Variants in SPG11 observed in about 807,000 individuals in gnomAD.
SPG11 encodes spatacsin.
Under a neutral mutation model 274.0 loss-of-function variants are expected in SPG11, and 222 were observed. The ratio of observed to expected loss-of-function variants is 0.81; its 90% CI spans 0.73 to 0.91. SPG11 has a LOEUF of 0.91. Among genes scored for constraint, SPG11 ranks in the 40% least tolerant of loss-of-function variants. SPG11 has a pLI of 0.00. For missense variants in SPG11, 3,114 were observed against 2,872.7 expected, an observed-to-expected ratio of 1.08 and a Z score of -1.92; for synonymous variants, 1,144 against 1,039.7, an observed-to-expected ratio of 1.10 and a Z score of -1.93.
At chr15:44,648,444 C>T (rs2084666079) in intron 7 of SPG11, among the ~76,000 whole-genome samples, 2 of 145,338 alleles carry the variant, frequency 1.4e-5, no homozygotes, top group Admixed American at 7.2e-5. Flanking sequence ...ACCTGGGAGG[C>T]GGAGGTTGCA....
At chr15:44,576,077 G>C (rs2082530545) in intron 30 of SPG11, among the ~76,000 whole-genome samples, 1 of 139,608 alleles carries the variant, frequency 7.2e-6, no homozygotes, top group Non-Finnish European at 1.5e-5. Context: ...GGGAGGCGGA[G>C]GTTGCGGTGA....
At chr15:44,646,346 G>C (rs577160138) in intron 7 of SPG11, among the ~76,000 whole-genome samples, 35 of 152,264 alleles carry the variant, frequency 2.3e-4, no homozygotes, top group African/African-American at 8.4e-4. Flanking sequence ...GTTCTGCATG[G>C]CTGGGAGGCC....
intron 8 of SPG11, among the ~76,000 whole-genome samples, chr15:44,631,845 G>C (rs1182442650): frequency 8.3e-6 from 1 of 119,814 alleles, no homozygotes; most frequent in Non-Finnish European, 1.6e-5. Context: ...GTCTCACTCT[G>C]TTGCCCAGAT....
intron 7 of SPG11, among the ~76,000 whole-genome samples, chr15:44,643,925 A>G (rs1055982146): frequency 6.6e-6 from 1 of 152,086 alleles, no homozygotes; most frequent in African/African-American, 2.4e-5. Context: ...GCACTTTGGG[A>G]GGCTGAGGCA....
In SPG11 at chr15:44,569,460, T is replaced by C; in HGVS notation, c.6523A>G (p.Ile2175Val). ...TGCTTTTTATGCAGCAAATCAAATA[T>C]GTATGTCATCTCGTTGTACCTTCCA... ...GIGRYNEMTY[I>V]FDLLHKKHYF... Residue 2175 changes from isoleucine (I) to valine (V), a missense_variant, in exon 35 of 40, where the codon ATA becomes GTA. Ile to Val is a conservative substitution (Grantham distance 29). Transcript: ENST00000261866. The C allele has an allele frequency of 1.2e-6, 2 of 1,606,044 alleles. No homozygotes were observed. The highest frequency in any genetic ancestry group is 1.7e-5 in the Admixed American group (1 of 58,964).
intron 30 of SPG11, among the ~76,000 whole-genome samples, chr15:44,575,493 CTT>C (rs35699941): frequency 9.4e-5 from 13 of 138,444 alleles, no homozygotes; most frequent in Admixed American, 7.4e-5. Context: ...CTCCAACATA[CTT>C]TTTTTTTTTT....
chr15:44,587,482 G>A (rs752830614), intron 28 of SPG11, among the ~76,000 whole-genome samples: 1 of 152,032 alleles, frequency 6.6e-6, no homozygotes, highest in South Asian at 2.1e-4. Flanking sequence ...TTGAGCTCAG[G>A]AGCTTGGGAC....
At chr15:44,641,821 G>C (rs1344747914) in intron 7 of SPG11, among the ~76,000 whole-genome samples, 1 of 150,028 alleles carries the variant, frequency 6.7e-6, no homozygotes, top group Non-Finnish European at 1.5e-5. Flanking sequence ...TTAAACATGT[G>C]CATGCCGTAT....
At chr15:44,585,163 T>C (rs1056285249) in intron 29 of SPG11, among the ~76,000 whole-genome samples, 2 of 152,094 alleles carry the variant, frequency 1.3e-5, no homozygotes, top group South Asian at 2.1e-4. Flanking sequence ...ATGGGAATTG[T>C]AGGCTCATCC....
Position 44,629,152 on chromosome 15 carries a change from C to T in SPG11, c.1891+81G>A, listed in dbSNP as rs1182336279. The T allele has an allele frequency of 2.7e-6, 4 of 1,488,610 alleles. No homozygotes were observed. In the Admixed American group the frequency reaches 5.0e-5, roughly 19 times the overall value. 92.2% of individuals were successfully genotyped at this position (1,488,610 alleles called of 1,614,324 possible). A position where few individuals can be genotyped will look rare whatever the true frequency, so the allele number is the denominator to read the frequency against. On this transcript the variant is annotated intron_variant, in intron 9 of 39. Transcript: ENST00000261866. ...GTAAATGGCGTGCCACTGGTTTATGCTGTGTCACCCAATAGCAGCACTTGT... is the reference window on the plus strand; with the variant it reads ...GTAAATGGCGTGCCACTGGTTTATGTTGTGTCACCCAATAGCAGCACTTGT...
In SPG11 at chr15:44,651,890, T is replaced by G; in HGVS notation, c.1057A>C (p.Lys353Gln). 2.5e-6 allele frequency: 4 copies of G among 1,613,074 alleles called. No individual in the cohort carries two copies. Among genetic ancestry groups the G allele is most frequent in the Non-Finnish European group, 3.4e-6 (4 of 1,179,626 alleles). ...GGAGCACAACAGGAAACCTCCAGTTTGGAGTTCTTTATTGTTTCATTCAAT... is the reference window on the plus strand; with the variant it reads ...GGAGCACAACAGGAAACCTCCAGTTGGGAGTTCTTTATTGTTTCATTCAAT... ...SSLNETIKNS[K>Q]LEVSCCAPWF... Residue 353 changes from lysine (K) to glutamine (Q), a missense_variant, in exon 6 of 40, where the codon AAA (lysine) becomes CAA (glutamine). Coordinates refer to ENST00000261866, the MANE Select transcript of SPG11 (RefSeq NM_025137.4).
intron 26 of SPG11, among the ~76,000 whole-genome samples, chr15:44,593,054 T>C (rs1265674855): frequency 6.6e-6 from 1 of 152,028 alleles, no homozygotes; most frequent in African/African-American, 2.4e-5. Flanking sequence ...AAGTTAAATA[T>C]AATTTCTTTT....
rs1555446429 is a variant in SPG11 at position 44,565,926 on chromosome 15, C to G, written c.6927G>C (p.Gln2309His). 3 of 1,613,816 alleles carry G rather than the reference C, an allele frequency of 1.9e-6. No individual in the cohort carries two copies. The highest frequency in any genetic ancestry group is 2.5e-6 in the Non-Finnish European group (3 of 1,179,974). ...TLQIHFLNTGQNTMLINLGRH... is the reference protein window; with the variant it reads ...TLQIHFLNTGHNTMLINLGRH... The stretch of plus-strand genomic sequence containing the variant: ...GGCCCAAGTTGATGAGCATTGTGTT[C>G]TGGCCAGTGTTCAGAAAGTGAATCT... Residue 2309 changes from glutamine to histidine, a missense_variant, in exon 38 of 40, where the codon CAG becomes CAC. Gln to His is a conservative substitution (Grantham distance 24). Transcript: ENST00000261866.
At position 44,596,190 on chromosome 15, in the gene SPG11, C is replaced by A. The variant is rs1338577311; in HGVS notation, c.4327G>T (p.Glu1443Ter). Residue 1443 changes from glutamate to a stop codon, truncating the protein, a stop_gained, in exon 25 of 40, where the codon GAA (glutamate) becomes TAA (stop). Transcript: ENST00000261866. LOFTEE classifies it high-confidence loss of function. ...TCCTCTGAGCATTGGAGCAGAATTT[C>A]AAATAAATCGGTCATCTCTTGTTTG... ...GSKQEMTDLF[E>*]ILLQCSEEPD... The A allele has an allele frequency of 1.9e-6, 3 of 1,614,168 alleles. No individual in the cohort carries two copies. Among genetic ancestry groups the A allele is most frequent in the Non-Finnish European group, 2.5e-6 (3 of 1,180,026 alleles).
intron 7 of SPG11, among the ~76,000 whole-genome samples, chr15:44,648,401 T>C (rs1241124751): frequency 2.0e-5 from 3 of 151,708 alleles, no homozygotes; most frequent in Non-Finnish European, 4.4e-5. Flanking sequence ...TAGTCCCACC[T>C]ACTGGGGAGG....
intron 15 of SPG11, among the ~76,000 whole-genome samples, chr15:44,618,376 G>A (rs368855535): frequency 6.6e-6 from 1 of 151,498 alleles, no homozygotes; most frequent in South Asian, 2.1e-4. Flanking sequence ...AAATTAGCCA[G>A]GCGTGGTGGC....
intron 7 of SPG11, among the ~76,000 whole-genome samples, chr15:44,636,937 A>AAAAAAC (rs2084282457): frequency 8.4e-6 from 1 of 119,300 alleles, no homozygotes; most frequent in Non-Finnish European, 1.8e-5. Flanking sequence ...AAAAAAAAAA[A>AAAAAAC]AAAAAAAAAA....
intron 18 of SPG11, 50 bp from the exon 19 acceptor site, chr15:44,608,655 C>G: frequency 6.3e-7 from 1 of 1,584,184 alleles, no homozygotes; most frequent in Non-Finnish European, 8.6e-7. Context: ...TTTCTCTTCT[C>G]AAAGTTTCTT....
chr15:44,577,715 TG>T (rs1256293658), intron 30 of SPG11, among the ~76,000 whole-genome samples: 1 of 152,098 alleles, frequency 6.6e-6, no homozygotes, highest in East Asian at 1.9e-4. Flanking sequence ...ACAAGGACTC[TG>T]GAAAAGTAAA....
Sources: allele counts gnomAD v4.1 joint callset (sites outside exome capture counted in the v4.1 genomes callset), GRCh38; gene constraint gnomAD v4.1.1; transcripts MANE v1.5; gene names NCBI Gene and HGNC (gene_info 2026-07-23, HGNC 2026-07-21).